CNTNAP4: variants seen among roughly 807,000 people sequenced by gnomAD.
CNTNAP4 encodes contactin-associated protein-like 4.
In CNTNAP4, 98 loss-of-function variants were observed where a neutral mutation model predicts 148.4. The observed-to-expected ratio is 0.66, with a 90% CI of 0.56 to 0.78. The LOEUF (loss-of-function observed/expected upper bound fraction) is 0.78. Ranked by LOEUF, CNTNAP4 falls within the 30% of genes least tolerant of loss-of-function variation. The pLI is 0.00. For missense variants in CNTNAP4, 1,935 were observed against 1,565.6 expected, an observed-to-expected ratio of 1.24 and a Z score of -3.98; for synonymous variants, 730 against 565.1, an observed-to-expected ratio of 1.29 and a Z score of -4.14.
chr16:76,321,409 A>G (rs1259978696), intron 2 of CNTNAP4, among the ~76,000 whole-genome samples: 1 of 152,246 alleles, frequency 6.6e-6, no homozygotes, highest in Admixed American at 6.5e-5. Flanking sequence ...TCAGTGCTTA[A>G]GAGGATAGAT....
At chr16:76,487,416 A>G (rs2082066399) in intron 12 of CNTNAP4, among the ~76,000 whole-genome samples, 1 of 152,232 alleles carries the variant, frequency 6.6e-6, no homozygotes. Flanking sequence ...AAAGTCAACC[A>G]CAAAGTATTG....
intron 3 of CNTNAP4, among the ~76,000 whole-genome samples, chr16:76,395,804 C>G (rs1364287861): frequency 6.6e-6 from 1 of 151,560 alleles, no homozygotes; most frequent in Non-Finnish European, 1.5e-5. Flanking sequence ...TCTCAGCTCA[C>G]TGTAACTTCC....
At chr16:76,423,808 T>C (rs1036050085) in intron 3 of CNTNAP4, among the ~76,000 whole-genome samples, 1 of 152,164 alleles carries the variant, frequency 6.6e-6, no homozygotes, top group African/African-American at 2.4e-5. Context: ...AAATAGTAAC[T>C]GCATATTTTT....
At chr16:76,453,138 T>C (rs933922783) in intron 8 of CNTNAP4, among the ~76,000 whole-genome samples, 1 of 152,200 alleles carries the variant, frequency 6.6e-6, no homozygotes, top group East Asian at 1.9e-4. Flanking sequence ...AGACTCTTCC[T>C]AACACACTTG....
At chr16:76,456,111 A>ATTGAT (rs75449419) in intron 8 of CNTNAP4, among the ~76,000 whole-genome samples, 2 of 151,802 alleles carry the variant, frequency 1.3e-5, no homozygotes, top group Non-Finnish European at 3.0e-5. Flanking sequence ...CCATTATTCC[A>ATTGAT]ATTGGCATTG....
At chr16:76,404,914 G>A (rs1047119662) in intron 3 of CNTNAP4, among the ~76,000 whole-genome samples, 4 of 151,996 alleles carry the variant, frequency 2.6e-5, no homozygotes, top group African/African-American at 9.7e-5. Flanking sequence ...ATGAGGTGAT[G>A]GGTGTATTCA....
At chr16:76,540,455 G>A (rs1376536243) in intron 20 of CNTNAP4, among the ~76,000 whole-genome samples, 1 of 151,572 alleles carries the variant, frequency 6.6e-6, no homozygotes, top group Non-Finnish European at 1.5e-5. Flanking sequence ...TAGAAGGTAG[G>A]GTGCACTGGC....
chr16:76,497,391 A>T (rs1568406069), intron 14 of CNTNAP4, among the ~76,000 whole-genome samples: 1 of 152,236 alleles, frequency 6.6e-6, no homozygotes, highest in Non-Finnish European at 1.5e-5. Flanking sequence ...GCAAACATTG[A>T]AATACAATAA....
intron 1 of CNTNAP4, among the ~76,000 whole-genome samples, chr16:76,293,834 T>TA (rs1567604047): frequency 3.0e-3 from 225 of 75,372 alleles, no homozygotes; most frequent in African/African-American, 7.6e-3. Context: ...TTTTTTTTTT[T>TA]TAAAAAAAAG....
intron 15 of CNTNAP4, among the ~76,000 whole-genome samples, chr16:76,499,270 A>T (rs2082532324): frequency 6.6e-6 from 1 of 152,104 alleles, no homozygotes. Flanking sequence ...TCTTCAGAGT[A>T]GACACATTTA....
At chr16:76,485,068 T>A (rs76683640) in intron 12 of CNTNAP4, among the ~76,000 whole-genome samples, 68 of 152,182 alleles carry the variant, frequency 4.5e-4, no homozygotes, top group Non-Finnish European at 8.8e-4. Context: ...AATAATTAGT[T>A]AGAGTAAGGT....
chr16:76,505,149 A>G (rs1452154800), intron 15 of CNTNAP4, among the ~76,000 whole-genome samples: 1 of 152,200 alleles, frequency 6.6e-6, no homozygotes, highest in Non-Finnish European at 1.5e-5. Context: ...CTATATGCAT[A>G]TAGTCAGTTT....
intron 3 of CNTNAP4, among the ~76,000 whole-genome samples, chr16:76,406,867 A>G (rs549910745): frequency 6.6e-6 from 1 of 152,286 alleles, no homozygotes; most frequent in Admixed American, 6.5e-5. Flanking sequence ...TAGAAGTACA[A>G]GGTGAAGCAG....
chr16:76,546,304 C>T (rs1471427066), intron 21 of CNTNAP4, among the ~76,000 whole-genome samples: 3 of 152,154 alleles, frequency 2.0e-5, no homozygotes, highest in Non-Finnish European at 4.4e-5. Context: ...TGCTGCACAG[C>T]AGTAGGTGAG....
chr16:76,405,515 T>C (rs893734184), intron 3 of CNTNAP4, among the ~76,000 whole-genome samples: 3 of 152,210 alleles, frequency 2.0e-5, no homozygotes, highest in African/African-American at 4.8e-5. Context: ...ATATGAGTTA[T>C]ATACTGTATT....
At chr16:76,531,633 C>T (rs1168980593) in intron 17 of CNTNAP4, among the ~76,000 whole-genome samples, 1 of 152,108 alleles carries the variant, frequency 6.6e-6, no homozygotes, top group Admixed American at 6.5e-5. Flanking sequence ...CAAACTGCAA[C>T]TCATTTTAAT....
At chr16:76,504,046 A>G (rs911090179) in intron 15 of CNTNAP4, among the ~76,000 whole-genome samples, 6 of 152,252 alleles carry the variant, frequency 3.9e-5, no homozygotes, top group East Asian at 1.9e-4. Context: ...AACTATCCCA[A>G]TTAAAATCCA....
chr16:76,418,439 G>T (rs962514580), intron 3 of CNTNAP4, among the ~76,000 whole-genome samples: 1 of 148,386 alleles, frequency 6.7e-6, no homozygotes, highest in Admixed American at 6.8e-5. Context: ...GGGTACATGT[G>T]CACAATCTTC....
intron 3 of CNTNAP4, among the ~76,000 whole-genome samples, chr16:76,373,522 G>A (rs771511680): frequency 1.3e-5 from 2 of 152,138 alleles, no homozygotes; most frequent in Non-Finnish European, 2.9e-5. Flanking sequence ...TACTTTGGGT[G>A]ACTTAGAAGA....
Sources: gnomAD v4.1 joint callset for allele counts (sites outside exome capture counted in the v4.1 genomes callset) on GRCh38, gnomAD v4.1.1 for gene constraint, MANE v1.5 for transcripts, NCBI Gene and HGNC (gene_info 2026-07-23, HGNC 2026-07-21) for gene names.